The following ZNF567 variants were observed in gnomAD, a reference collection of about 807,000 sequenced individuals.
ZNF567 encodes zinc finger protein 567.
ZNF567 carries 36 observed loss-of-function variants against 53.9 expected under a neutral mutation model. That is an observed-to-expected ratio of 0.67 (90% confidence interval 0.51 to 0.88). The LOEUF (loss-of-function observed/expected upper bound fraction) is 0.88. Ranked by LOEUF, ZNF567 falls within the 40% of genes least tolerant of loss-of-function variation. The pLI is 0.00. For missense variants in ZNF567, 619 were observed against 764.7 expected, an observed-to-expected ratio of 0.81 and a Z score of 2.25; for synonymous variants, 224 against 260.4, an observed-to-expected ratio of 0.86 and a Z score of 1.35.
At chr19:36,678,788 G>C in the ZNF567 span, among the ~76,000 whole-genome samples, 1 of 151,524 alleles carries the variant, frequency 6.6e-6, no homozygotes, top group Non-Finnish European at 1.5e-5. Flanking sequence ...AGCTTGCAGT[G>C]AGCCGAGATC....
At chr19:36,723,289 G>GAT (rs1024893527), downstream of ZNF567, 4 of 699,554 alleles carry the variant, frequency 5.7e-6, no homozygotes, top group Non-Finnish European at 1.0e-5. Flanking sequence ...ACTCCCCTTT[G>GAT]ATTTTGCATT....
chr19:36,675,809 G>A, the ZNF567 span, among the ~76,000 whole-genome samples: 1 of 152,056 alleles, frequency 6.6e-6, no homozygotes, highest in Non-Finnish European at 1.5e-5. Context: ...TGTTCACGCT[G>A]CTGCACTCCA....
chr19:36,669,577 A>C, the ZNF567 span, among the ~76,000 whole-genome samples: 1 of 152,186 alleles, frequency 6.6e-6, no homozygotes, highest in Admixed American at 6.5e-5. Flanking sequence ...TGTCTATTTC[A>C]GTGAGAAAAA....
intron 3 of ZNF567, among the ~76,000 whole-genome samples, chr19:36,695,112 C>T (rs942807920): frequency 1.4e-4 from 22 of 151,742 alleles, no homozygotes; most frequent in African/African-American, 4.8e-4. Context: ...GTGGCTCACA[C>T]CTTAACAGCA....
chr19:36,699,434 A>G (rs545170057), intron 3 of ZNF567, among the ~76,000 whole-genome samples: 2 of 152,280 alleles, frequency 1.3e-5, no homozygotes, highest in South Asian at 4.1e-4. Flanking sequence ...TGAACTTTAA[A>G]GTAGTTTTTT....
intron 5 of ZNF567, among the ~76,000 whole-genome samples, chr19:36,716,441 T>C (rs555421033): frequency 1.3e-5 from 2 of 152,348 alleles, no homozygotes; most frequent in African/African-American, 4.8e-5. Flanking sequence ...TGCACAACTC[T>C]TGAATAGTCA....
chr19:36,666,960 G>T, the ZNF567 span: 1 of 152,408 alleles, frequency 6.6e-6, no homozygotes, highest in African/African-American at 2.4e-5. Context: ...CTGGAGTGAC[G>T]CCAACCTGTT....
At chr19:36,724,251 C>T (rs1258403168), downstream of ZNF567, among the ~76,000 whole-genome samples, 1 of 151,792 alleles carries the variant, frequency 6.6e-6, no homozygotes, top group East Asian at 2.0e-4. Context: ...GGTGATCCGC[C>T]CACCTCGGCC....
the ZNF567 span, among the ~76,000 whole-genome samples, chr19:36,674,416 G>C: frequency 2.0e-5 from 3 of 152,240 alleles, no homozygotes; most frequent in Non-Finnish European, 4.4e-5. Flanking sequence ...ATTCATAGGA[G>C]CTCTGGGTGT....
the ZNF567 span, among the ~76,000 whole-genome samples, chr19:36,677,142 C>G: frequency 1.0e-5 from 1 of 96,438 alleles, no homozygotes; most frequent in African/African-American, 4.3e-5. Context: ...GCAACAAGAG[C>G]GAAACTCCGT....
the ZNF567 span, among the ~76,000 whole-genome samples, chr19:36,677,976 C>T: frequency 2.0e-5 from 3 of 152,134 alleles, no homozygotes; most frequent in Non-Finnish European, 4.4e-5. Context: ...TCCTCTGTCT[C>T]ATATTTTCCT....
At chr19:36,710,026 A>C (rs1446893411) in intron 3 of ZNF567, among the ~76,000 whole-genome samples, 2 of 152,128 alleles carry the variant, frequency 1.3e-5, no homozygotes, top group African/African-American at 4.8e-5. Context: ...AAATTTATTT[A>C]TGCCCTTTCT....
chr19:36,715,450 C>T (rs1479900947), intron 5 of ZNF567, among the ~76,000 whole-genome samples: 3 of 147,222 alleles, frequency 2.0e-5, no homozygotes, highest in East Asian at 4.0e-4. Context: ...CATGAGCCAC[C>T]GTGCCTGGCC....
intron 3 of ZNF567, 37 bp from the exon 4 acceptor site, chr19:36,712,349 A>T: frequency 6.3e-7 from 1 of 1,599,574 alleles, no homozygotes; most frequent in East Asian, 2.3e-5. Context: ...TACCTGGCTA[A>T]GTCCACCTGT....
chr19:36,721,732 C>CTTTTTTTTTTTTTTTTTTTTTTTT (rs756276834), downstream of ZNF567, among the ~76,000 whole-genome samples: 1 of 121,672 alleles, frequency 8.2e-6, no homozygotes, highest in Admixed American at 1.0e-4. Context: ...GTACCAGAGT[C>CTTTTTTTTTTTTTTTTTTTTTTTT]TTTTTTTTTT....
rs755274827 is a variant in ZNF567 at position 36,719,604 on chromosome 19, T to A, written c.880T>A (p.Ser294Thr). 1.9e-6 allele frequency: 3 copies of A among 1,613,988 alleles called. No homozygotes were observed. The African/African-American group carries it at 4.0e-5, about 22-fold the overall frequency. Reference protein sequence around the residue: ...HQCGNAFRRKSYLIDHQRTHT... With the variant: ...HQCGNAFRRKTYLIDHQRTHT... ...ATGTGGAAATGCATTTAGAAGGAAA[T>A]CATATCTCATTGATCATCAGAGAAC... The change falls in exon 6 of 6, where the codon TCA becomes ACA. Residue 294 changes from serine to threonine, a missense_variant. Transcript: ENST00000682579.
chr19:36,704,945 G>A (rs2039416477), intron 3 of ZNF567, among the ~76,000 whole-genome samples: 1 of 152,170 alleles, frequency 6.6e-6, no homozygotes. Context: ...GTTTGTGACT[G>A]TCTAGGAATT....
upstream of ZNF567, among the ~76,000 whole-genome samples, chr19:36,682,920 T>A (rs1005956908): frequency 6.6e-6 from 1 of 151,928 alleles, no homozygotes; most frequent in Non-Finnish European, 1.5e-5. Flanking sequence ...TTTATTTTTT[T>A]AAAAAGCCAG....
upstream of ZNF567, among the ~76,000 whole-genome samples, chr19:36,684,894 T>C (rs1354149784): frequency 1.3e-5 from 2 of 152,086 alleles, no homozygotes; most frequent in East Asian, 1.9e-4. Flanking sequence ...CTTCAGAAAG[T>C]TACCTAAGAA....
Sources: gnomAD v4.1 joint callset for allele counts (sites outside exome capture counted in the v4.1 genomes callset) on GRCh38, gnomAD v4.1.1 for gene constraint, MANE v1.5 for transcripts, NCBI Gene and HGNC (gene_info 2026-07-23, HGNC 2026-07-21) for gene names.